The following NELL2 variants were observed in gnomAD, a reference collection of about 807,000 sequenced individuals.
The protein encoded by NELL2 is neural EGFL like 2, also known as protein kinase C-binding protein NELL2.
Under a neutral mutation model 109.6 loss-of-function variants are expected in NELL2, and 41 were observed. The ratio of observed to expected loss-of-function variants is 0.37; its 90% CI spans 0.29 to 0.49. The LOEUF is 0.49. NELL2 is among the 20% of genes least tolerant of loss of function. NELL2 has a pLI of 0.98. For synonymous variants in NELL2, 355 were observed against 344.7 expected, an observed-to-expected ratio of 1.03 and a Z score of -0.33; for missense variants, 900 against 1,008.3, an observed-to-expected ratio of 0.89 and a Z score of 1.45.
chr12:44,533,720 T>C (rs754936941), intron 15 of NELL2, among the ~76,000 whole-genome samples: 28 of 152,152 alleles, frequency 1.8e-4, no homozygotes, highest in Non-Finnish European at 3.5e-4. Flanking sequence ...CTTCCTTTGC[T>C]CACAGGAGGA....
At chr12:44,632,657 G>A (rs1946497039) in intron 13 of NELL2, among the ~76,000 whole-genome samples, 1 of 151,834 alleles carries the variant, frequency 6.6e-6, no homozygotes, top group African/African-American at 2.4e-5. Flanking sequence ...TTAATTAAAT[G>A]TTGACTAACA....
At chr12:44,716,866 C>A (rs993922611) in intron 9 of NELL2, among the ~76,000 whole-genome samples, 3 of 151,922 alleles carry the variant, frequency 2.0e-5, no homozygotes, top group African/African-American at 7.3e-5. Context: ...TATTAAAAGT[C>A]TTTTGATAAT....
chr12:44,630,514 C>T (rs993460159), intron 13 of NELL2, among the ~76,000 whole-genome samples: 3 of 152,110 alleles, frequency 2.0e-5, no homozygotes, highest in Admixed American at 6.6e-5. Flanking sequence ...CCCTTAACTG[C>T]TCTACAGATC....
chr12:44,896,197 C>G (rs1254586957), intron 1 of NELL2, among the ~76,000 whole-genome samples: 1 of 152,064 alleles, frequency 6.6e-6, no homozygotes, highest in Non-Finnish European at 1.5e-5. Context: ...TGCCACTTTA[C>G]AAAAACTCAT....
Position 44,581,410 on chromosome 12 carries a change from A to G in NELL2, c.1663+25759T>C, listed in dbSNP as rs376158152. Among the ~76,000 whole-genome samples, 9 of 152,300 alleles carry G rather than the reference A, an allele frequency of 5.9e-5. No individual in the cohort carries two copies. The South Asian group carries it at 1.7e-3, about 28-fold the overall frequency. On this transcript the variant is annotated intron_variant, in intron 15 of 19. Transcript: ENST00000429094. ...ATTCATCACTGAGAAGTTATCTGTT[A>G]AAGATCTTATTACAAAACACTCTTC... is the stretch of plus-strand genomic sequence containing the variant.
At chr12:44,644,594 A>ATATATGTATG (rs1245510883) in intron 13 of NELL2, among the ~76,000 whole-genome samples, 15 of 92,480 alleles carry the variant, frequency 1.6e-4, no homozygotes, top group African/African-American at 6.2e-4. Context: ...ATATATATAT[A>ATATATGTATG]TATATATATG....
chr12:44,863,139 C>A (rs917713934), intron 2 of NELL2, among the ~76,000 whole-genome samples: 8 of 152,216 alleles, frequency 5.3e-5, no homozygotes, highest in Admixed American at 3.9e-4. Flanking sequence ...GTTTCCCTCC[C>A]TGTGTCCATG....
intron 9 of NELL2, among the ~76,000 whole-genome samples, chr12:44,763,404 A>C (rs1293958292): frequency 6.6e-6 from 1 of 152,200 alleles, no homozygotes; most frequent in East Asian, 1.9e-4. Flanking sequence ...TATGAAAAGA[A>C]TACGTTATCT....
At chr12:44,876,743 G>C (rs936530496), upstream of NELL2, 4 of 1,517,574 alleles carry the variant, frequency 2.6e-6, no homozygotes, top group Admixed American at 8.7e-5. Flanking sequence ...CGTGCACTGG[G>C]CTCCGGAGCA....
At chr12:44,590,611 T>A (rs1262561735) in intron 15 of NELL2, among the ~76,000 whole-genome samples, 5 of 152,218 alleles carry the variant, frequency 3.3e-5, no homozygotes, top group Non-Finnish European at 1.5e-5. Flanking sequence ...CGAAGCAATG[T>A]ATGAAGTTCC....
chr12:44,629,023 A>G (rs979216913), intron 13 of NELL2, among the ~76,000 whole-genome samples: 1 of 152,178 alleles, frequency 6.6e-6, no homozygotes, highest in African/African-American at 2.4e-5. Context: ...ATTTGAATGC[A>G]ATTACATTTC....
At chr12:44,581,217 C>CGGCTACTTTTGTGTAT in intron 15 of NELL2, among the ~76,000 whole-genome samples, 1 of 152,158 alleles carries the variant, frequency 6.6e-6, no homozygotes, top group South Asian at 2.1e-4. Context: ...ACTAATTGGA[C>CGGCTACTTTTGTGTAT]GGCTACTTTT....
upstream of NELL2, among the ~76,000 whole-genome samples, chr12:44,918,585 G>C (rs1167849765): frequency 2.0e-5 from 3 of 148,294 alleles, no homozygotes; most frequent in Non-Finnish European, 4.5e-5. Context: ...CTGCCAATCA[G>C]AAAAACCTAA....
intron 2 of NELL2, among the ~76,000 whole-genome samples, chr12:44,837,531 G>T (rs376416758): frequency 2.4e-4 from 37 of 152,262 alleles, no homozygotes; most frequent in South Asian, 1.2e-3. Context: ...CACTACAATG[G>T]CCAGATGAGC....
At position 44,607,208 on chromosome 12, in the gene NELL2, C is replaced by T; in HGVS notation, c.1624G>A (p.Ala542Thr). The T allele has an allele frequency of 1.2e-6, 2 of 1,612,798 alleles. No homozygotes were observed. Among genetic ancestry groups the T allele is most frequent in the Non-Finnish European group, 1.7e-6 (2 of 1,179,238 alleles). The part of the protein sequence containing the change: ...GGACIAANVC[A>T]CPQGFTGPSC... The stretch of plus-strand genomic sequence containing the variant: ...GGTCCAGTGAAGCCTTGTGGGCAGG[C>T]ACACACATTAGCGGCAATACAGGCT... Residue 542 changes from alanine (A) to threonine (T), a missense_variant, in exon 15 of 20, where the codon GCC (alanine) becomes ACC (threonine). Physicochemically the swap from Ala to Thr is moderately conservative, Grantham distance 58. Transcript: ENST00000429094.
intron 3 of NELL2, among the ~76,000 whole-genome samples, chr12:44,807,330 T>TACACACAC (rs3038988): frequency 6.7e-6 from 1 of 148,802 alleles, no homozygotes; most frequent in African/African-American, 2.5e-5. Context: ...TTTTGCTCTT[T>TACACACAC]ACACACACAC....
At chr12:44,715,738 T>C (rs1938449835) in intron 9 of NELL2, among the ~76,000 whole-genome samples, 1 of 152,116 alleles carries the variant, frequency 6.6e-6, no homozygotes, top group South Asian at 2.1e-4. Flanking sequence ...GATCAACTGA[T>C]ACAGACTCTG....
chr12:44,659,528 A>C (rs543146024), intron 13 of NELL2, among the ~76,000 whole-genome samples: 8 of 152,334 alleles, frequency 5.3e-5, no homozygotes, highest in African/African-American at 1.7e-4. Flanking sequence ...TCCATCAAAA[A>C]GTGGGCAAAG....
chr12:44,640,401 T>C (rs1946809888), intron 13 of NELL2, among the ~76,000 whole-genome samples: 1 of 152,194 alleles, frequency 6.6e-6, no homozygotes, highest in Non-Finnish European at 1.5e-5. Context: ...GGAACTGAGA[T>C]TTGAACCCTG....
Sources: allele counts gnomAD v4.1 joint callset (sites outside exome capture counted in the v4.1 genomes callset), GRCh38; gene constraint gnomAD v4.1.1; transcripts MANE v1.5; gene names NCBI Gene and HGNC (gene_info 2026-07-23, HGNC 2026-07-21).